Variants in EVI5 observed in about 807,000 individuals in gnomAD.
EVI5 encodes the protein ecotropic viral integration site 5 protein homolog.
EVI5 carries 73 observed loss-of-function variants against 112.0 expected under a neutral mutation model. The ratio of observed to expected loss-of-function variants is 0.65; its 90% confidence interval spans 0.54 to 0.79. The LOEUF (loss-of-function observed/expected upper bound fraction) is 0.79. Ranked by LOEUF, EVI5 falls within the 30% of genes least tolerant of loss-of-function variation. EVI5 has a pLI of 0.00. For synonymous variants in EVI5, 305 were observed against 319.9 expected (o/e 0.95, Z 0.50); for missense variants, 900 against 968.8 (o/e 0.93, Z 0.94).
intron 1 of EVI5, among the ~76,000 whole-genome samples, chr1:92,791,748 CA>C (rs534195216): frequency 6.0e-3 from 822 of 138,148 alleles, no homozygotes; most frequent in Middle Eastern, 0.011. Flanking sequence ...CCACCTCCAC[CA>C]AAAAAAAAAA....
intron 13 of EVI5, chr1:92,647,485 C>T (rs1469549503): frequency 2.1e-6 from 1 of 467,000 alleles, no homozygotes; most frequent in Non-Finnish European, 4.0e-6. Flanking sequence ...ATTCTCTTTG[C>T]CAGACACTGT....
At chr1:92,609,172 C>A (rs1651163872) in intron 16 of EVI5, among the ~76,000 whole-genome samples, 1 of 152,186 alleles carries the variant, frequency 6.6e-6, no homozygotes, top group Non-Finnish European at 1.5e-5. Context: ...TAGGGACTTT[C>A]ATAACAGAAA....
intron 16 of EVI5, among the ~76,000 whole-genome samples, chr1:92,619,136 T>C (rs774965030): frequency 1.8e-4 from 28 of 152,142 alleles, no homozygotes; most frequent in Non-Finnish European, 2.5e-4. Flanking sequence ...TGATCCCGGA[T>C]GTGTCTGTGA....
intron 2 of EVI5, among the ~76,000 whole-genome samples, chr1:92,722,859 C>A (rs754850681): frequency 1.3e-5 from 2 of 152,194 alleles, no homozygotes; most frequent in Non-Finnish European, 2.9e-5. Flanking sequence ...CACATATACA[C>A]ACACTAAACC....
chr1:92,598,206 C>G (rs1648352336), intron 18 of EVI5, among the ~76,000 whole-genome samples: 1 of 152,018 alleles, frequency 6.6e-6, no homozygotes, highest in African/African-American at 2.4e-5. Context: ...AGCTTATGCT[C>G]TAGTGGGGAA....
At chr1:92,590,567 AAAT>A (rs1440828395) in intron 18 of EVI5, among the ~76,000 whole-genome samples, 5 of 152,178 alleles carry the variant, frequency 3.3e-5, no homozygotes, top group African/African-American at 4.8e-5. Flanking sequence ...TTTAGAGAAA[AAAT>A]AATAAAAAGA....
At chr1:92,592,649 T>C (rs931728623) in intron 18 of EVI5, among the ~76,000 whole-genome samples, 2 of 151,908 alleles carry the variant, frequency 1.3e-5, no homozygotes, top group Non-Finnish European at 2.9e-5. Flanking sequence ...TTTGAAAAGA[T>C]CAACAAAATA....
intron 1 of EVI5, among the ~76,000 whole-genome samples, chr1:92,758,107 CAATAT>C (rs1394594316): frequency 2.0e-5 from 3 of 151,942 alleles, no homozygotes; most frequent in African/African-American, 7.3e-5. Flanking sequence ...GATATACATA[CAATAT>C]AATACCATAT....
chr1:92,668,839 G>A (rs890804363), intron 10 of EVI5, among the ~76,000 whole-genome samples: 3 of 152,006 alleles, frequency 2.0e-5, no homozygotes, highest in Admixed American at 2.0e-4. Context: ...GGTAATTATA[G>A]CTTTGCTATC....
chr1:92,654,224 T>C (rs1408955202), intron 13 of EVI5, among the ~76,000 whole-genome samples: 4 of 152,122 alleles, frequency 2.6e-5, no homozygotes, highest in Non-Finnish European at 5.9e-5. Flanking sequence ...TCTGCTTCTG[T>C]TGCAGCAGGC....
chr1:92,724,249 C>T lies in EVI5; in HGVS notation c.149+12149G>A, dbSNP rs1675208946. ...GTCCTACCAATATGTGATGACACCC[C>T]CTGAGGCCCAGCTGTAAAATTTATC... is the stretch of plus-strand genomic sequence containing the variant. On this transcript the variant is annotated intron_variant, in intron 2 of 19. Coordinates refer to ENST00000684568, the MANE Select transcript of EVI5 (RefSeq NM_001350197.2). 2.0e-5 allele frequency among the ~76,000 whole-genome samples: 3 copies of T among 152,030 alleles called. No homozygotes were observed. In the South Asian group the frequency reaches 6.2e-4, roughly 31 times the overall value.
intron 9 of EVI5, among the ~76,000 whole-genome samples, chr1:92,683,856 A>G (rs1207331449): frequency 6.6e-6 from 1 of 152,242 alleles, no homozygotes; most frequent in Non-Finnish European, 1.5e-5. Flanking sequence ...AGAGAAAAAA[A>G]GAGTGAAAAG....
chr1:92,562,335 C>T (rs1250883790), intron 19 of EVI5, among the ~76,000 whole-genome samples: 2 of 152,092 alleles, frequency 1.3e-5, no homozygotes, highest in African/African-American at 4.8e-5. Flanking sequence ...CAGGACCATC[C>T]TGGCTAACAC....
intron 18 of EVI5, among the ~76,000 whole-genome samples, chr1:92,588,951 A>G (rs1673245469): frequency 6.6e-6 from 1 of 152,234 alleles, no homozygotes; most frequent in South Asian, 2.1e-4. Flanking sequence ...CTTACCCTCA[A>G]TGAACTTCAG....
chr1:92,555,598 C>T (rs1156739550), intron 19 of EVI5, among the ~76,000 whole-genome samples: 1 of 152,028 alleles, frequency 6.6e-6, no homozygotes, highest in African/African-American at 2.4e-5. Flanking sequence ...GCTTGTAATC[C>T]TAGCACTTTG....
intron 19 of EVI5, among the ~76,000 whole-genome samples, chr1:92,528,082 T>G (rs2101814438): frequency 6.6e-6 from 1 of 152,352 alleles, no homozygotes; most frequent in Non-Finnish European, 1.5e-5. Context: ...TACCTTACCT[T>G]CTGCCTAGTT....
intron 19 of EVI5, among the ~76,000 whole-genome samples, chr1:92,547,198 T>C (rs994498527): frequency 3.9e-5 from 6 of 152,092 alleles, no homozygotes; most frequent in African/African-American, 1.4e-4. Context: ...AGAAACTCAC[T>C]CAAAACTGAT....
intron 13 of EVI5, among the ~76,000 whole-genome samples, chr1:92,653,978 T>C (rs1438338601): frequency 2.0e-5 from 3 of 152,038 alleles, no homozygotes; most frequent in Non-Finnish European, 4.4e-5. Context: ...TCCCTGCCTC[T>C]CTGCAGAGAC....
chr1:92,623,805 A>G (rs1467499743), intron 16 of EVI5, among the ~76,000 whole-genome samples: 1 of 152,234 alleles, frequency 6.6e-6, no homozygotes, highest in Admixed American at 6.5e-5. Context: ...CTAAACATCT[A>G]CAACGCATGG....
Sources: gnomAD v4.1 joint callset for allele counts (sites outside exome capture counted in the v4.1 genomes callset) on GRCh38, gnomAD v4.1.1 for gene constraint, MANE v1.5 for transcripts, NCBI Gene and HGNC (gene_info 2026-07-23, HGNC 2026-07-21) for gene names.